The following CNTNAP2 variants were observed in gnomAD, a reference collection of about 807,000 sequenced individuals.
CNTNAP2 encodes the protein contactin associated protein 2.
Under a neutral mutation model 155.2 loss-of-function variants are expected in CNTNAP2, and 98 were observed. The observed-to-expected ratio is 0.63, with a 90% CI of 0.54 to 0.75. CNTNAP2 has a LOEUF of 0.75. CNTNAP2 is among the 30% of genes least tolerant of loss of function. The pLI is 0.00. For missense variants in CNTNAP2, 1,727 were observed against 1,688.1 expected, an observed-to-expected ratio of 1.02 and a Z score of -0.40; for synonymous variants, 651 against 631.2, an observed-to-expected ratio of 1.03 and a Z score of -0.47.
intron 3 of CNTNAP2, among the ~76,000 whole-genome samples, chr7:146,923,576 T>C (rs916330061): frequency 1.3e-5 from 2 of 152,156 alleles, no homozygotes; most frequent in Admixed American, 1.3e-4. Context: ...AAAGAAAAAT[T>C]GAATTCCCTT....
At position 147,414,753 on chromosome 7, in the gene CNTNAP2, A is replaced by G. The variant is rs375517758; in HGVS notation, c.1670+18973A>G. Among the ~76,000 whole-genome samples, 30 of 152,098 alleles carry G rather than the reference A, an allele frequency of 2.0e-4. No individual in the cohort carries two copies. In the East Asian group the frequency reaches 2.3e-3, roughly 12 times the overall value. ...TCAGGAGATCGAGACTATCCTGGCT[A>G]ACAAGGTGAAACCCCGTCTCTACTA... On this transcript the variant is annotated intron_variant, in intron 10 of 23. Coordinates refer to ENST00000361727, the MANE Select transcript of CNTNAP2 (RefSeq NM_014141.6).
At chr7:146,924,209 C>T (rs1281945894) in intron 3 of CNTNAP2, among the ~76,000 whole-genome samples, 1 of 152,098 alleles carries the variant, frequency 6.6e-6, no homozygotes, top group Non-Finnish European at 1.5e-5. Flanking sequence ...AGATCCATTT[C>T]TGACCTTTCC....
intron 13 of CNTNAP2, among the ~76,000 whole-genome samples, chr7:147,735,732 ATAGT>A (rs1584927983): frequency 1.3e-5 from 2 of 152,082 alleles, no homozygotes; most frequent in Non-Finnish European, 2.9e-5. Flanking sequence ...TATATTTAAG[ATAGT>A]TAGTTCTTCT....
chr7:147,983,384 A>AT (rs1479766235), intron 15 of CNTNAP2, among the ~76,000 whole-genome samples: 2 of 151,994 alleles, frequency 1.3e-5, no homozygotes, highest in Non-Finnish European at 2.9e-5. Flanking sequence ...CTTTCGATTC[A>AT]TTTTCTCTCT....
At chr7:147,907,936 A>G (rs925330493) in intron 14 of CNTNAP2, among the ~76,000 whole-genome samples, 1 of 145,768 alleles carries the variant, frequency 6.9e-6, no homozygotes, top group African/African-American at 2.5e-5. Context: ...TGCCTAGCTA[A>G]TTTTTTTTTT....
At chr7:146,604,354 C>A (rs1212695575) in intron 1 of CNTNAP2, among the ~76,000 whole-genome samples, 1 of 133,944 alleles carries the variant, frequency 7.5e-6, no homozygotes, top group Admixed American at 7.3e-5. Context: ...CAGAGAAATG[C>A]AAATCAAAAC....
At chr7:147,436,177 A>G (rs1462210856) in intron 10 of CNTNAP2, among the ~76,000 whole-genome samples, 1 of 152,200 alleles carries the variant, frequency 6.6e-6, no homozygotes, top group Non-Finnish European at 1.5e-5. Context: ...TTATTTAATT[A>G]AGCCGCTGAA....
intron 4 of CNTNAP2, among the ~76,000 whole-genome samples, chr7:147,075,546 G>A (rs547140503): frequency 6.6e-6 from 1 of 152,124 alleles, no homozygotes; most frequent in East Asian, 1.9e-4. Flanking sequence ...AAGCATTCCA[G>A]ACTAACAATA....
At chr7:147,926,839 T>C (rs1005220515) in intron 14 of CNTNAP2, among the ~76,000 whole-genome samples, 2 of 152,186 alleles carry the variant, frequency 1.3e-5, no homozygotes, top group African/African-American at 4.8e-5. Flanking sequence ...ATGGAGTTAT[T>C]TTACTCTTAA....
intron 1 of CNTNAP2, among the ~76,000 whole-genome samples, chr7:146,174,683 A>AACAC (rs1195908262): frequency 6.6e-6 from 1 of 151,934 alleles, no homozygotes; most frequent in Non-Finnish European, 1.5e-5. Context: ...CTCTACTAAG[A>AACAC]ACACAGAAAT....
intron 11 of CNTNAP2, among the ~76,000 whole-genome samples, chr7:147,516,905 A>G (rs1799138929): frequency 7.3e-6 from 1 of 137,760 alleles, no homozygotes; most frequent in Non-Finnish European, 1.5e-5. Context: ...CTCTGTGCCC[A>G]GGATGCAGTG....
intron 1 of CNTNAP2, among the ~76,000 whole-genome samples, chr7:146,685,294 C>G (rs951463412): frequency 6.6e-6 from 1 of 152,208 alleles, no homozygotes; most frequent in Non-Finnish European, 1.5e-5. Flanking sequence ...ACAATACATG[C>G]AACTTGAAAC....
intron 3 of CNTNAP2, among the ~76,000 whole-genome samples, chr7:146,944,922 T>C (rs1301244371): frequency 6.6e-6 from 1 of 152,026 alleles, no homozygotes; most frequent in African/African-American, 2.4e-5. Context: ...AGGCTATGCA[T>C]AGCAATTTAA....
chr7:146,276,765 C>T (rs1177448097), intron 1 of CNTNAP2, among the ~76,000 whole-genome samples: 2 of 152,162 alleles, frequency 1.3e-5, no homozygotes, highest in African/African-American at 2.4e-5. Context: ...CAGGAACTGG[C>T]GGCATCCTAT....
chr7:146,237,911 T>C (rs1799499966), intron 1 of CNTNAP2, among the ~76,000 whole-genome samples: 1 of 152,234 alleles, frequency 6.6e-6, no homozygotes, highest in Non-Finnish European at 1.5e-5. Flanking sequence ...TCCTTTCAGA[T>C]ACCAGATGGC....
At chr7:147,825,597 A>T (rs987245615) in intron 13 of CNTNAP2, among the ~76,000 whole-genome samples, 4 of 152,226 alleles carry the variant, frequency 2.6e-5, no homozygotes, top group African/African-American at 9.6e-5. Context: ...CTAAAGAGAC[A>T]TAACATTTCT....
At chr7:147,227,858 A>G (rs1323035011) in intron 8 of CNTNAP2, among the ~76,000 whole-genome samples, 1 of 152,120 alleles carries the variant, frequency 6.6e-6, no homozygotes, top group Non-Finnish European at 1.5e-5. Context: ...CCCAATATAG[A>G]GATGATATTT....
In CNTNAP2 at chr7:146,141,701, G is replaced by T. The variant is rs115110646; in HGVS notation, c.97+24728G>T. ...AATAATGTTATTGAGTTCTATTGAT[G>T]AAGTTAAAAATCTGATTTCCTTTTA... is the stretch of plus-strand genomic sequence containing the variant. On this transcript the variant is annotated intron_variant, in intron 1 of 23. Coordinates refer to ENST00000361727, the MANE Select transcript of CNTNAP2 (RefSeq NM_014141.6). Among the ~76,000 whole-genome samples the T allele has an allele frequency of 1.0e-2, 1,517 of 152,120 alleles. 29 individuals carry two copies. Among genetic ancestry groups the T allele is most frequent in the African/African-American group, 0.035 (1,447 of 41,494 alleles).
intron 1 of CNTNAP2, among the ~76,000 whole-genome samples, chr7:146,329,484 A>T (rs576780082): frequency 6.6e-6 from 1 of 152,130 alleles, no homozygotes; most frequent in East Asian, 1.9e-4. Context: ...CTCATTTTTT[A>T]AAAATATATT....
Sources: allele counts gnomAD v4.1 joint callset (sites outside exome capture counted in the v4.1 genomes callset), GRCh38; gene constraint gnomAD v4.1.1; transcripts MANE v1.5; gene names NCBI Gene and HGNC (gene_info 2026-07-23, HGNC 2026-07-21).